DCP1B: variants seen among roughly 807,000 people sequenced by gnomAD.
DCP1B encodes the protein mRNA-decapping enzyme 1B.
In DCP1B, 47 loss-of-function variants were observed where a neutral mutation model predicts 60.5. The ratio of observed to expected loss-of-function variants is 0.78; its 90% CI spans 0.61 to 0.99. The LOEUF is 0.99. Ranked by LOEUF, DCP1B falls within the 50% of genes least tolerant of loss-of-function variation. The pLI is 0.00. For synonymous variants in DCP1B, 267 were observed against 280.3 expected (o/e 0.95, Z 0.47); for missense variants, 725 against 756.8 (o/e 0.96, Z 0.49).
downstream of DCP1B, among the ~76,000 whole-genome samples, chr12:1,941,682 G>A (rs1244917700): frequency 6.6e-6 from 1 of 152,170 alleles, no homozygotes; most frequent in Non-Finnish European, 1.5e-5. Flanking sequence ...TTGCGTGGAC[G>A]TCCTTTTTGT....
At chr12:1,959,851 T>C (rs1247502257) in intron 5 of DCP1B, among the ~76,000 whole-genome samples, 1 of 151,954 alleles carries the variant, frequency 6.6e-6, no homozygotes, top group African/African-American at 2.4e-5. Flanking sequence ...TCCCAGCTAC[T>C]TGGGAGGCTG....
chr12:1,952,384 G>C (rs1397177923), intron 7 of DCP1B, 32 bp downstream of exon 7: 11 of 1,523,468 alleles, frequency 7.2e-6, no homozygotes, highest in Non-Finnish European at 8.8e-6. Flanking sequence ...TGCTGCCCAG[G>C]CTGTTTTATT....
chr12:1,977,418 C>T (rs1020356417), intron 3 of DCP1B, among the ~76,000 whole-genome samples: 3 of 152,202 alleles, frequency 2.0e-5, no homozygotes, highest in East Asian at 1.9e-4. Context: ...TCACTCCAAG[C>T]AGCGTATCTT....
chr12:1,953,579 C>A (rs2030772581), intron 6 of DCP1B, among the ~76,000 whole-genome samples: 1 of 151,948 alleles, frequency 6.6e-6, no homozygotes, highest in Non-Finnish European at 1.5e-5. Flanking sequence ...TTGGGAACCA[C>A]CTTGGTAGGA....
rs1237674116 is a variant in DCP1B at position 1,958,567 on chromosome 12, CAG to C, written c.523-3009_523-3008del. ...TTTCTATAAACCTCCTGGAAGAAGA[CAG>C]GGGAAAAGCTCCCTAACGTCGCTCT... On this transcript the variant is annotated intron_variant, in intron 5 of 8. Coordinates refer to ENST00000280665, the MANE Select transcript of DCP1B (RefSeq NM_152640.5). 1.5e-3 allele frequency among the ~76,000 whole-genome samples: 229 copies of C among 148,472 alleles called. 3 individuals are homozygous for C. Among genetic ancestry groups the C allele is most frequent in the Non-Finnish European group, 4.2e-4 (28 of 67,238 alleles).
chr12:1,974,043 T>C (rs564687032), intron 3 of DCP1B, among the ~76,000 whole-genome samples: 14 of 152,286 alleles, frequency 9.2e-5, no homozygotes, highest in Non-Finnish European at 1.8e-4. Flanking sequence ...ATAAATCTGT[T>C]CCCTCCACTA....
chr12:1,971,191 C>A lies in DCP1B; in HGVS notation c.320-3281G>T, dbSNP rs1489137722. 1 of 1,288,414 alleles carries A rather than the reference C, an allele frequency of 7.8e-7. No homozygotes were observed. Among genetic ancestry groups the A allele is most frequent in the Non-Finnish European group, 1.0e-6 (1 of 987,656 alleles). The allele number at this position is 1,288,414 out of a possible 1,614,324, so 79.8% of individuals were successfully genotyped here. A position where few individuals can be genotyped will look rare whatever the true frequency, so the allele number is the denominator to read the frequency against. On this transcript the variant is annotated intron_variant, in intron 3 of 8. Coordinates refer to ENST00000280665, the MANE Select transcript of DCP1B (RefSeq NM_152640.5). The surrounding 1 kb of genome is among the most constrained non-coding windows in gnomAD (Gnocchi z 4.2). ...AAGCTCAACTCAACTATTTCTACAT[C>A]TCTCCTGGAGGTAAGAAACCCTAAA...
intron 5 of DCP1B, among the ~76,000 whole-genome samples, chr12:1,957,111 T>C (rs1362993927): frequency 2.0e-5 from 3 of 152,210 alleles, no homozygotes; most frequent in Non-Finnish European, 4.4e-5. Context: ...TCCACCTCAG[T>C]AGTTTGTAGC....
intron 3 of DCP1B, chr12:1,991,358 A>C: frequency 2.4e-6 from 1 of 412,812 alleles, no homozygotes; most frequent in Non-Finnish European, 4.8e-6. Context: ...TATGAAAAAC[A>C]AATTAAAATA....
chr12:2,002,566 A>G (rs776631075), intron 1 of DCP1B, among the ~76,000 whole-genome samples: 10 of 152,348 alleles, frequency 6.6e-5, no homozygotes, highest in Admixed American at 1.3e-4. Context: ...TATCTTAAAA[A>G]GGTATCTATC....
At chr12:1,986,067 C>A (rs2037659108) in intron 3 of DCP1B, among the ~76,000 whole-genome samples, 1 of 152,234 alleles carries the variant, frequency 6.6e-6, no homozygotes, top group South Asian at 2.1e-4. Context: ...CCCGCCTTGG[C>A]CTCCCAAAGT....
chr12:1,992,388 A>G (rs1181637157), intron 3 of DCP1B: 1 of 153,336 alleles, frequency 6.5e-6, no homozygotes, highest in Non-Finnish European at 1.5e-5. Flanking sequence ...TACACTGAAT[A>G]GTATATGGTA....
chr12:1,945,044 G>C (rs1592771690), downstream of DCP1B, among the ~76,000 whole-genome samples: 1 of 151,994 alleles, frequency 6.6e-6, no homozygotes, highest in Non-Finnish European at 1.5e-5. Flanking sequence ...TCTGACAAAG[G>C]GCTAATATCC....
At position 1,952,909 on chromosome 12, in the gene DCP1B, C is replaced by T. The variant is rs715146; in HGVS notation, c.1031G>A (p.Arg344His). ...PGSPHNIGTS[R>H]GVQNASRTQN... ...AGTTCTGGAAGCATTTTGTACACCA[C>T]GAGAAGTTCCAATGTTGTGAGGAGA... Residue 344 changes from arginine to histidine, a missense_variant, in exon 7 of 9, where the codon CGT becomes CAT. By Grantham distance (29) the Arg-to-His change is conservative. Coordinates refer to ENST00000280665, the MANE Select transcript of DCP1B (RefSeq NM_152640.5). The T allele has an allele frequency of 0.036, 58,371 of 1,614,132 alleles. 1,239 individuals are homozygous for T. The highest frequency in any genetic ancestry group is 0.074 in the Middle Eastern group (451 of 6,060).
At position 1,962,088 on chromosome 12, in the gene DCP1B, A is replaced by T. The variant is rs1249224970; in HGVS notation, c.522+3470T>A. Among the ~76,000 whole-genome samples, 3 of 152,180 alleles carry T rather than the reference A, an allele frequency of 2.0e-5. No individual in the cohort carries two copies. The highest frequency in any genetic ancestry group is 4.4e-5 in the Non-Finnish European group (3 of 68,032). ...AAGGCGTAGGCTAGAGCATTTACTGAATTTCCTCAAGGAAGGCAAGGCAGG... is the reference window on the plus strand; with the variant it reads ...AAGGCGTAGGCTAGAGCATTTACTGTATTTCCTCAAGGAAGGCAAGGCAGG... On this transcript the variant is annotated intron_variant, in intron 5 of 8. Transcript: ENST00000280665. This position sits in a 1 kb window ranked among gnomAD's most constrained non-coding sequence, Gnocchi z 4.4.
At chr12:1,993,715 C>T (rs1318735386) in intron 2 of DCP1B, among the ~76,000 whole-genome samples, 1 of 151,444 alleles carries the variant, frequency 6.6e-6, no homozygotes, top group African/African-American at 2.4e-5. Flanking sequence ...GGCAGAGTAA[C>T]TACTTTTTAA....
chr12:1,958,973 C>T (rs28570648), intron 5 of DCP1B, among the ~76,000 whole-genome samples: 9,056 of 111,668 alleles, frequency 0.081, 88 homozygotes, highest in East Asian at 0.11. Flanking sequence ...AAAAGCTCCC[C>T]AACGTCGCTC....
chr12:1,965,415 A>T lies in DCP1B; in HGVS notation c.522+143T>A, dbSNP rs191847191. 1.0e-5 allele frequency: 11 copies of T among 1,095,392 alleles called. No homozygotes were observed. The Admixed American group carries it at 3.4e-4, about 34-fold the overall frequency. The allele number at this position is 1,095,392 out of a possible 1,614,324, so 67.9% of individuals were successfully genotyped here. On this transcript the variant is annotated intron_variant, in intron 5 of 8. Coordinates refer to ENST00000280665, the MANE Select transcript of DCP1B (RefSeq NM_152640.5). ...TTTCTTCAGCTTATAAAAAATCTAT[A>T]TTACAAATAAAGATTTTTTATTTGT... is the stretch of plus-strand genomic sequence containing the variant.
chr12:1,996,616 TAAAAAAAAAAAAAAAAAAAAAA>T (rs78563698), intron 2 of DCP1B, among the ~76,000 whole-genome samples: 3 of 18,844 alleles, frequency 1.6e-4, no homozygotes, highest in South Asian at 2.9e-3. Flanking sequence ...GCTGATGAGC[TAAAAAAAAAAAAAAAAAAAAAA>T]AAAAAAAAAA....
Sources: allele counts gnomAD v4.1 joint callset (sites outside exome capture counted in the v4.1 genomes callset), GRCh38; gene constraint gnomAD v4.1.1; non-coding constraint Gnocchi (gnomAD v3.1); transcripts MANE v1.5; gene names NCBI Gene and HGNC (gene_info 2026-07-23, HGNC 2026-07-21).